SEMA3E: variants seen among roughly 807,000 people sequenced by gnomAD.
The protein encoded by SEMA3E is semaphorin 3E, also known as semaphorin-3E.
In SEMA3E, 49 loss-of-function variants were observed where a neutral mutation model predicts 93.6. That is an observed-to-expected ratio of 0.52 (90% confidence interval 0.42 to 0.66). The LOEUF (loss-of-function observed/expected upper bound fraction) is 0.66. Ranked by LOEUF, SEMA3E falls within the 30% of genes least tolerant of loss-of-function variation. The probability of loss-of-function intolerance (pLI) is 0.00; values close to 1 mark genes in which losing one functional copy is unlikely to be tolerated. For missense variants in SEMA3E, 906 were observed against 964.8 expected (o/e 0.94, Z 0.81); for synonymous variants, 363 against 330.7 (o/e 1.10, Z -1.06).
At chr7:83,478,413 AAAAG>A (rs1298783883) in intron 2 of SEMA3E, among the ~76,000 whole-genome samples, 1 of 152,242 alleles carries the variant, frequency 6.6e-6, no homozygotes, top group Non-Finnish European at 1.5e-5. Context: ...TGAAATGAAA[AAAAG>A]AAAATAAAAT....
At chr7:83,451,476 T>C (rs547257671) in intron 4 of SEMA3E, among the ~76,000 whole-genome samples, 27 of 152,356 alleles carry the variant, frequency 1.8e-4, no homozygotes, top group Middle Eastern at 6.8e-3. Context: ...TTCATTTATC[T>C]ACACATTCAT....
At chr7:83,547,752 A>G (rs1238118098) in intron 1 of SEMA3E, among the ~76,000 whole-genome samples, 3 of 152,128 alleles carry the variant, frequency 2.0e-5, no homozygotes, top group Non-Finnish European at 4.4e-5. Context: ...AACACAGGCC[A>G]AGGCAAATTT....
At chr7:83,491,749 A>G (rs575038832) in intron 1 of SEMA3E, among the ~76,000 whole-genome samples, 5 of 152,144 alleles carry the variant, frequency 3.3e-5, no homozygotes, top group Admixed American at 2.6e-4. Flanking sequence ...AAAAATTTCA[A>G]TGGTAGAAAA....
chr7:83,565,783 G>A (rs1358636505), intron 1 of SEMA3E, among the ~76,000 whole-genome samples: 1 of 151,972 alleles, frequency 6.6e-6, no homozygotes, highest in African/African-American at 2.4e-5. Flanking sequence ...CAGTTTCTAA[G>A]GGTGAAAATT....
intron 1 of SEMA3E, among the ~76,000 whole-genome samples, chr7:83,639,122 A>C (rs1214663269): frequency 7.2e-6 from 1 of 138,070 alleles, no homozygotes; most frequent in Non-Finnish European, 1.6e-5. Flanking sequence ...AAAAAAAAAA[A>C]AAAAAAAAAA....
intron 1 of SEMA3E, among the ~76,000 whole-genome samples, chr7:83,509,454 C>T (rs1790767849): frequency 6.6e-6 from 1 of 152,172 alleles, no homozygotes; most frequent in Admixed American, 6.5e-5. Flanking sequence ...ACGAGACACA[C>T]TCTGTGACAT....
chr7:83,588,305 C>G (rs967188689), intron 1 of SEMA3E, among the ~76,000 whole-genome samples: 1 of 151,942 alleles, frequency 6.6e-6, no homozygotes, highest in Non-Finnish European at 1.5e-5. Context: ...TGCATGAATC[C>G]CAGAGACGGA....
intron 1 of SEMA3E, among the ~76,000 whole-genome samples, chr7:83,573,315 C>A (rs1792325315): frequency 2.0e-5 from 3 of 151,708 alleles, no homozygotes; most frequent in African/African-American, 7.3e-5. Context: ...TTTTTATTGT[C>A]TTCAGTATTT....
intron 1 of SEMA3E, among the ~76,000 whole-genome samples, chr7:83,521,420 G>A (rs185694649): frequency 3.2e-4 from 49 of 152,190 alleles, no homozygotes; most frequent in Middle Eastern, 3.4e-3. Flanking sequence ...ATTAGCTAGG[G>A]CATAGTTGGT....
intron 1 of SEMA3E, among the ~76,000 whole-genome samples, chr7:83,579,828 C>T (rs1792483113): frequency 6.6e-6 from 1 of 152,004 alleles, no homozygotes; most frequent in South Asian, 2.1e-4. Flanking sequence ...ACCTCAAAAA[C>T]TACTGAATTT....
chr7:83,426,056 T>TA (rs1416456496), intron 4 of SEMA3E, among the ~76,000 whole-genome samples: 1 of 152,074 alleles, frequency 6.6e-6, no homozygotes, highest in African/African-American at 2.4e-5. Flanking sequence ...TGGCTATTAT[T>TA]AAAAAGTCAA....
At chr7:83,385,633 G>C (rs1202947847) in intron 15 of SEMA3E, among the ~76,000 whole-genome samples, 200 bp from the exon 16 acceptor site, 1 of 152,106 alleles carries the variant, frequency 6.6e-6, no homozygotes, top group Admixed American at 6.6e-5. Context: ...AGGCTATGGG[G>C]TGGGACAGAA....
intron 4 of SEMA3E, among the ~76,000 whole-genome samples, chr7:83,450,165 A>G (rs900567177): frequency 2.6e-5 from 4 of 152,214 alleles, no homozygotes; most frequent in African/African-American, 9.6e-5. Flanking sequence ...CTTATACACC[A>G]CTTGTGGGCA....
intron 1 of SEMA3E, among the ~76,000 whole-genome samples, chr7:83,545,387 T>C (rs990598633): frequency 1.3e-5 from 2 of 151,972 alleles, no homozygotes; most frequent in African/African-American, 4.8e-5. Context: ...ATTTTTATCA[T>C]GCACTTCATA....
chr7:83,513,210 T>G (rs1790859219), intron 1 of SEMA3E, among the ~76,000 whole-genome samples: 1 of 152,174 alleles, frequency 6.6e-6, no homozygotes, highest in Admixed American at 6.5e-5. Flanking sequence ...AGCTTTCTAG[T>G]TTTCAGGCTC....
chr7:83,594,706 C>T (rs1792830656), intron 1 of SEMA3E, among the ~76,000 whole-genome samples: 1 of 152,004 alleles, frequency 6.6e-6, no homozygotes, highest in Non-Finnish European at 1.5e-5. Context: ...ATCCGTTTCC[C>T]CTTTCTAAGA....
intron 2 of SEMA3E, among the ~76,000 whole-genome samples, chr7:83,482,018 C>T (rs1201449944): frequency 1.3e-5 from 2 of 152,066 alleles, no homozygotes; most frequent in African/African-American, 4.8e-5. Context: ...CTATTTAGTC[C>T]TCACATCAGT....
chr7:83,569,465 C>T (rs536772538), intron 1 of SEMA3E, among the ~76,000 whole-genome samples: 2 of 152,106 alleles, frequency 1.3e-5, no homozygotes, highest in East Asian at 3.9e-4. Context: ...AAACAAGACC[C>T]AACTCTCTAC....
At chr7:83,469,447 T>C in intron 2 of SEMA3E, 145 bp from the exon 3 acceptor site, 1 of 604,208 alleles carries the variant, frequency 1.7e-6, no homozygotes, top group African/African-American at 1.9e-5. Context: ...GTCTTTGTGT[T>C]ATTCACAGAA....
Sources: allele counts gnomAD v4.1 joint callset (sites outside exome capture counted in the v4.1 genomes callset), GRCh38; gene constraint gnomAD v4.1.1; transcripts MANE v1.5; gene names NCBI Gene and HGNC (gene_info 2026-07-23, HGNC 2026-07-21).